ELP4: variants seen among roughly 807,000 people sequenced by gnomAD.
ELP4 encodes the protein elongator complex protein 4.
In ELP4, 51 loss-of-function variants were observed where a neutral mutation model predicts 48.9. That is an observed-to-expected ratio of 1.04 (90% CI 0.83 to 1.32). The LOEUF is 1.32. Among genes scored for constraint, ELP4 ranks in the 40% most tolerant of loss-of-function variants. The pLI is 0.00. For missense variants in ELP4, 519 were observed against 514.6 expected (o/e 1.01, Z -0.08); for synonymous variants, 210 against 189.2 (o/e 1.11, Z -0.90).
intron 9 of ELP4, among the ~76,000 whole-genome samples, chr11:31,696,321 C>T (rs1472576210): frequency 1.3e-5 from 2 of 152,228 alleles, no homozygotes; most frequent in East Asian, 3.9e-4. Context: ...ATAAATTGCC[C>T]TCTACACACT....
chr11:31,745,790 A>G lies in ELP4; in HGVS notation c.1144-37603A>G, dbSNP rs543379580. On this transcript the variant is annotated intron_variant, in intron 9 of 9. Coordinates refer to ENST00000640961, the MANE Select transcript of ELP4 (RefSeq NM_019040.5). ...TTAGATCTAAAACCACAAAAACCCT[A>G]GAAGAAAACCTAGGCAATATCATTC... Among the ~76,000 whole-genome samples the G allele has an allele frequency of 7.2e-5, 11 of 152,360 alleles. No homozygotes were observed. The East Asian group carries it at 2.1e-3, about 29-fold the overall frequency.
intron 1 of ELP4, chr11:31,510,465 G>C (rs1354060492): frequency 2.4e-6 from 1 of 410,570 alleles, no homozygotes; most frequent in Non-Finnish European, 4.3e-6. Context: ...TCCCCTCTTT[G>C]ACCGTCAGAC....
intron 5 of ELP4, among the ~76,000 whole-genome samples, chr11:31,604,551 A>G (rs530447312): frequency 6.6e-6 from 1 of 152,054 alleles, no homozygotes; most frequent in Admixed American, 6.5e-5. Context: ...TATGTTATAA[A>G]GTATTAAGAA....
chr11:31,617,348 A>G (rs575957990), intron 5 of ELP4, among the ~76,000 whole-genome samples: 1 of 152,204 alleles, frequency 6.6e-6, no homozygotes, highest in African/African-American at 2.4e-5. Flanking sequence ...ATATGATTCT[A>G]CTCATATGAG....
intron 3 of ELP4, among the ~76,000 whole-genome samples, chr11:31,562,772 C>CT (rs1957042977): frequency 6.6e-6 from 1 of 152,078 alleles, no homozygotes; most frequent in Admixed American, 6.6e-5. Context: ...GTTTTAAAAT[C>CT]TGAGTTTTAA....
intron 9 of ELP4, among the ~76,000 whole-genome samples, chr11:31,748,172 G>A (rs1947638420): frequency 6.6e-6 from 1 of 151,586 alleles, no homozygotes; most frequent in Non-Finnish European, 1.5e-5. Context: ...CCTCACAGTA[G>A]TGGTTAATGT....
intron 3 of ELP4, among the ~76,000 whole-genome samples, chr11:31,587,355 T>C (rs1313257580): frequency 6.6e-6 from 1 of 151,988 alleles, no homozygotes; most frequent in Non-Finnish European, 1.5e-5. Flanking sequence ...ACTGAAGTAA[T>C]AGGGGGGAAA....
chr11:31,766,879 A>C (rs1412923474), intron 9 of ELP4, among the ~76,000 whole-genome samples: 8 of 152,104 alleles, frequency 5.3e-5, no homozygotes, highest in African/African-American at 1.9e-4. Flanking sequence ...CACATAAGCT[A>C]TCTTAATGAA....
chr11:31,579,387 A>C (rs1056767863), intron 3 of ELP4, among the ~76,000 whole-genome samples: 1 of 152,146 alleles, frequency 6.6e-6, no homozygotes. Context: ...CGATTCCTCA[A>C]GGATCTAGAA....
At chr11:31,674,802 A>G (rs1945884971) in intron 9 of ELP4, among the ~76,000 whole-genome samples, 1 of 152,242 alleles carries the variant, frequency 6.6e-6, no homozygotes, top group African/African-American at 2.4e-5. Context: ...AACTTATTCA[A>G]GCTCAGGATT....
Position 31,603,891 on chromosome 11 carries a change from C to G in ELP4, c.637C>G (p.Leu213Val), listed in dbSNP as rs1195865953. 1.2e-6 allele frequency: 2 copies of G among 1,611,314 alleles called. No individual in the cohort carries two copies. The highest frequency in any genetic ancestry group is 4.5e-5 in the East Asian group (2 of 44,688). Reference protein sequence around the residue: ...FFLPEKISSTLKVEPCSLTPG... With the variant: ...FFLPEKISSTVKVEPCSLTPG... The stretch of plus-strand genomic sequence containing the variant: ...TCTTCCAGAGAAAATATCTTCAACT[C>G]TCAAAGTAGAACCCTGGTAAGTTAA... The change falls in exon 5 of 10, where the codon CTC (leucine) becomes GTC (valine). Residue 213 changes from leucine to valine, a missense_variant. By Grantham distance (32) the Leu-to-Val change is conservative. Transcript: ENST00000640961.
chr11:31,517,493 T>C (rs1002705806), intron 1 of ELP4, among the ~76,000 whole-genome samples: 1 of 152,112 alleles, frequency 6.6e-6, no homozygotes, highest in African/African-American at 2.4e-5. Flanking sequence ...ACTAAGTTTT[T>C]CTGTATGACA....
intron 9 of ELP4, among the ~76,000 whole-genome samples, chr11:31,771,544 C>T (rs1398526994): frequency 6.6e-6 from 1 of 152,252 alleles, no homozygotes. Flanking sequence ...AGCCACTCCC[C>T]TGCTCATTGA....
intron 3 of ELP4, among the ~76,000 whole-genome samples, chr11:31,541,914 A>C (rs1166737333): frequency 6.6e-6 from 1 of 152,238 alleles, no homozygotes; most frequent in Non-Finnish European, 1.5e-5. Context: ...TCATACAATA[A>C]TTTTATGATG....
intron 9 of ELP4, among the ~76,000 whole-genome samples, chr11:31,768,123 A>AT (rs376100620): frequency 1.5e-4 from 22 of 151,714 alleles, no homozygotes; most frequent in Admixed American, 2.6e-4. Context: ...GATACTTAAG[A>AT]TTTTTTTTTC....
At chr11:31,573,365 A>G (rs1466556785) in intron 3 of ELP4, among the ~76,000 whole-genome samples, 3 of 152,098 alleles carry the variant, frequency 2.0e-5, no homozygotes, top group Admixed American at 1.3e-4. Context: ...GCAGCACCCT[A>G]CTTCTCGGTA....
intron 2 of ELP4, among the ~76,000 whole-genome samples, chr11:31,529,040 G>GTATATATA (rs34149746): frequency 2.1e-5 from 3 of 145,842 alleles, no homozygotes; most frequent in African/African-American, 7.6e-5. Context: ...TTGGCTATGT[G>GTATATATA]TATATATATA....
intron 5 of ELP4, among the ~76,000 whole-genome samples, chr11:31,610,322 TTTTTGTTTG>T (rs752699905): frequency 1.8e-4 from 16 of 88,702 alleles, no homozygotes; most frequent in South Asian, 7.3e-4. Context: ...TGGGCCTCAT[TTTTTGTTTG>T]TTTTGTTTTG....
At chr11:31,584,770 C>A (rs1487962558) in intron 3 of ELP4, among the ~76,000 whole-genome samples, 1 of 152,098 alleles carries the variant, frequency 6.6e-6, no homozygotes, top group Admixed American at 6.5e-5. Context: ...GGTAATATGC[C>A]CACCTCGGCT....
Sources: gnomAD v4.1 joint callset for allele counts (sites outside exome capture counted in the v4.1 genomes callset) on GRCh38, gnomAD v4.1.1 for gene constraint, MANE v1.5 for transcripts, NCBI Gene and HGNC (gene_info 2026-07-23, HGNC 2026-07-21) for gene names.